The following MYO1H variants were observed in gnomAD, a reference collection of about 807,000 sequenced individuals.
The protein encoded by MYO1H is unconventional myosin-Ih.
Under a neutral mutation model 149.3 loss-of-function variants are expected in MYO1H, and 118 were observed. The observed-to-expected ratio is 0.79, with a 90% confidence interval of 0.68 to 0.92. The LOEUF (loss-of-function observed/expected upper bound fraction) is 0.92. Ranked by LOEUF, MYO1H falls within the 40% of genes least tolerant of loss-of-function variation. MYO1H has a pLI of 0.00. For missense variants in MYO1H, 1,212 were observed against 1,280.7 expected (o/e 0.95, Z 0.82); for synonymous variants, 447 against 465.2 (o/e 0.96, Z 0.50).
At chr12:109,333,107 G>A in the MYO1H span, among the ~76,000 whole-genome samples, 1 of 152,142 alleles carries the variant, frequency 6.6e-6, no homozygotes, top group Non-Finnish European at 1.5e-5. Context: ...ATCACCTGAG[G>A]TCAGGAGTTT....
chr12:109,344,309 A>C (rs548349625), upstream of MYO1H, among the ~76,000 whole-genome samples: 3 of 152,328 alleles, frequency 2.0e-5, no homozygotes, highest in East Asian at 5.8e-4. Context: ...TGCAGGATAC[A>C]AGATCAATAC....
At chr12:109,443,461 G>C (rs974953602) in intron 27 of MYO1H, 53 bp from the exon 28 acceptor site, 3 of 1,592,620 alleles carry the variant, frequency 1.9e-6, no homozygotes, top group Non-Finnish European at 2.6e-6. Context: ...TGAGTAGCAA[G>C]AAACTCGGTA....
intron 22 of MYO1H, among the ~76,000 whole-genome samples, chr12:109,437,648 C>G (rs963363831): frequency 2.6e-5 from 4 of 152,172 alleles, no homozygotes; most frequent in Admixed American, 1.3e-4. Flanking sequence ...TGTAGTGGGC[C>G]AGCCCCTGAG....
intron 1 of MYO1H, among the ~76,000 whole-genome samples, chr12:109,349,531 C>T (rs1868409928): frequency 6.9e-6 from 1 of 144,754 alleles, no homozygotes; most frequent in Non-Finnish European, 1.5e-5. Context: ...TATGGTGGCA[C>T]ATGCCTGTGG....
intron 7 of MYO1H, 76 bp from the exon 8 acceptor site, chr12:109,405,846 C>T (rs1870356189): frequency 5.0e-6 from 5 of 1,005,204 alleles, no homozygotes; most frequent in Non-Finnish European, 6.2e-6. Context: ...CCACTAATGA[C>T]ATGTATCAAT....
In MYO1H at chr12:109,425,929, T is replaced by G; in HGVS notation, c.1726-17T>G. 7.4e-7 allele frequency: 1 copy of G among 1,343,092 alleles called. No individual in the cohort carries two copies. Among genetic ancestry groups the G allele is most frequent in the Admixed American group, 1.9e-5 (1 of 52,538 alleles). 83.2% of individuals were successfully genotyped at this position (1,343,092 alleles called of 1,614,324 possible). ...CTCTCTGGCTCGTTCTCTCTCTCTTTCTCTCTCTCTCTGCAGGTGGGGACT... is the reference window on the plus strand; with the variant it reads ...CTCTCTGGCTCGTTCTCTCTCTCTTGCTCTCTCTCTCTGCAGGTGGGGACT... On this transcript the variant is annotated splice_polypyrimidine_tract_variant and intron_variant, in intron 17 of 31. Transcript: ENST00000310903.
the MYO1H span, among the ~76,000 whole-genome samples, chr12:109,315,816 C>A: frequency 6.6e-6 from 1 of 152,194 alleles, no homozygotes. Flanking sequence ...AATAAAATAT[C>A]TTCTGTGTCT....
chr12:109,445,650 A>C, intron 31 of MYO1H, 38 bp downstream of exon 31: 1 of 1,594,720 alleles, frequency 6.3e-7, no homozygotes, highest in Non-Finnish European at 8.5e-7. Flanking sequence ...AAGCCGTTTT[A>C]GATGAGAATA....
chr12:109,410,520 C>T (rs1777147698), intron 12 of MYO1H, among the ~76,000 whole-genome samples, 168 bp from the exon 13 acceptor site: 1 of 152,140 alleles, frequency 6.6e-6, no homozygotes, highest in African/African-American at 2.4e-5. Context: ...TAGGCCTTCT[C>T]TGCTTATTTC....
chr12:109,443,906 A>AC (rs1278419963), intron 28 of MYO1H, among the ~76,000 whole-genome samples: 2 of 151,966 alleles, frequency 1.3e-5, no homozygotes, highest in African/African-American at 2.4e-5. Flanking sequence ...TGGCTCAAAA[A>AC]AAAAAACAAA....
intron 4 of MYO1H, among the ~76,000 whole-genome samples, chr12:109,397,512 A>G (rs2137044994): frequency 6.6e-6 from 1 of 152,294 alleles, no homozygotes; most frequent in African/African-American, 2.4e-5. Context: ...GATTCTAGGA[A>G]GAAGATATTG....
chr12:109,374,196 C>A (rs1264762490), intron 1 of MYO1H, among the ~76,000 whole-genome samples: 1 of 152,118 alleles, frequency 6.6e-6, no homozygotes, highest in Non-Finnish European at 1.5e-5. Context: ...CCTGAATTGG[C>A]CTGTTTTTCC....
Position 109,397,756 on chromosome 12 carries a change from C to T in MYO1H, c.514C>T (p.Arg172Trp), listed in dbSNP as rs770905961. 6.7e-5 allele frequency: 108 copies of T among 1,611,866 alleles called. No homozygotes were observed. In the African/African-American group the frequency reaches 7.3e-4, roughly 11 times the overall value. ...GGCTTTTGGAAATGCCAGAACGCTC[C>T]GGAATGACAACTCCAGCAGATTTGG... The change falls in exon 5 of 32, where the codon CGG (arginine) becomes TGG (tryptophan). Residue 172 changes from arginine to tryptophan, a missense_variant. Transcript: ENST00000310903.
intron 19 of MYO1H, among the ~76,000 whole-genome samples, chr12:109,429,796 A>G (rs1871533560): frequency 6.6e-6 from 1 of 152,116 alleles, no homozygotes; most frequent in East Asian, 1.9e-4. Context: ...CCATGAGGAC[A>G]TTTGGTGTCT....
chr12:109,393,534 T>TCCGTTCATCCAA, intron 3 of MYO1H, 88 bp downstream of exon 3: 2 of 765,418 alleles, frequency 2.6e-6, no homozygotes, highest in African/African-American at 3.5e-5. Context: ...CATCTGTCCA[T>TCCGTTCATCCAA]CCATTCATCC....
At chr12:109,426,969 T>C (rs903354256) in intron 18 of MYO1H, among the ~76,000 whole-genome samples, 1 of 152,124 alleles carries the variant, frequency 6.6e-6, no homozygotes, top group South Asian at 2.1e-4. Context: ...TCTCAGGACT[T>C]TTCAGAGGAA....
intron 5 of MYO1H, among the ~76,000 whole-genome samples, chr12:109,398,703 T>G (rs1870019766): frequency 7.7e-6 from 1 of 129,442 alleles, no homozygotes; most frequent in Admixed American, 1.0e-4. Context: ...TTGGCACCAC[T>G]GCACTCCAGC....
At chr12:109,363,156 G>A (rs1490948795) in intron 1 of MYO1H, among the ~76,000 whole-genome samples, 2 of 151,832 alleles carry the variant, frequency 1.3e-5, no homozygotes. Flanking sequence ...TGCTTTGTTT[G>A]GCACAAAAAA....
At chr12:109,367,335 C>T (rs1053668312) in intron 1 of MYO1H, among the ~76,000 whole-genome samples, 1 of 152,104 alleles carries the variant, frequency 6.6e-6, no homozygotes, top group Non-Finnish European at 1.5e-5. Flanking sequence ...AAAAGAGATA[C>T]AAAAGCCCGT....
Sources: allele counts gnomAD v4.1 joint callset (sites outside exome capture counted in the v4.1 genomes callset), GRCh38; gene constraint gnomAD v4.1.1; transcripts MANE v1.5; gene names NCBI Gene and HGNC (gene_info 2026-07-23, HGNC 2026-07-21).